ZNF502: variants seen among roughly 807,000 people sequenced by gnomAD.
ZNF502 encodes zinc finger protein 502.
ZNF502 carries 29 observed loss-of-function variants against 43.6 expected under a neutral mutation model. The observed-to-expected ratio is 0.67, with a 90% confidence interval of 0.50 to 0.91. The LOEUF (loss-of-function observed/expected upper bound fraction) is 0.91. Among genes scored for constraint, ZNF502 ranks in the 40% least tolerant of loss-of-function variants. The pLI, the probability that ZNF502 is intolerant of heterozygous loss-of-function variation, is 0.00. For missense variants in ZNF502, 591 were observed against 647.2 expected (o/e 0.91, Z 0.94); for synonymous variants, 171 against 207.4 (o/e 0.82, Z 1.51).
chr3:44,723,570 C>T lies in ZNF502; in HGVS notation c.*1118C>T, dbSNP rs764751822. 2 of 152,250 alleles carry T rather than the reference C, an allele frequency of 1.3e-5. No individual in the cohort carries two copies. Among genetic ancestry groups the T allele is most frequent in the Non-Finnish European group, 2.9e-5 (2 of 68,046 alleles). The allele number at this position is 152,250 out of a possible 1,614,324, so 9.4% of individuals were successfully genotyped here. A position where few individuals can be genotyped will look rare whatever the true frequency, so the allele number is the denominator to read the frequency against. On this transcript the variant is annotated 3_prime_UTR_variant, in exon 3 of 3. Transcript: ENST00000436624. ...TCGTGGAATGACTTTGGAAAGACTT[C>T]TAAAAGAATCTTTTTCAAATCCCTG... is the stretch of plus-strand genomic sequence containing the variant.
At chr3:44,715,186 T>G (rs1704112396) in intron 1 of ZNF502, among the ~76,000 whole-genome samples, 1 of 152,244 alleles carries the variant, frequency 6.6e-6, no homozygotes, top group Non-Finnish European at 1.5e-5. Flanking sequence ...ATCTGTTTAT[T>G]AACAATAGTT....
At chr3:44,713,859 C>T (rs1407988054) in intron 1 of ZNF502, among the ~76,000 whole-genome samples, 1 of 152,164 alleles carries the variant, frequency 6.6e-6, no homozygotes. Flanking sequence ...GGATTATAGG[C>T]GTGAAACACC....
At position 44,721,448 on chromosome 3, in the gene ZNF502, T is replaced by C. The variant is rs1340228812; in HGVS notation, c.631T>C (p.Tyr211His). The stretch of plus-strand genomic sequence containing the variant: ...AAGAATTCACACTGGAGTGAAACCA[T>C]ATGGATGTGAGCAGTGTGGGAAAAC... ...HQRIHTGVKP[Y>H]GCEQCGKTFR... Residue 211 changes from tyrosine to histidine, a missense_variant, in exon 3 of 3, where the codon TAT becomes CAT. Physicochemically the swap from Tyr to His is moderately conservative, Grantham distance 83 (BLOSUM62 2). Transcript: ENST00000436624. 26 of 1,614,066 alleles carry C rather than the reference T, an allele frequency of 1.6e-5. No homozygotes were observed. The highest frequency in any genetic ancestry group is 2.7e-5 in the African/African-American group (2 of 74,940).
chr3:44,720,310 T>G lies in ZNF502; in HGVS notation c.49T>G (p.Cys17Gly), dbSNP rs575447603. ...AGAGAGAGACATTAGAAGAGAGACT[T>G]GTCCAGGTGAGTGAGCAAGGGACAA... ...AEERDIRRET[C>G]PGWVNKNKPA... The change falls in exon 2 of 3, where the codon TGT becomes GGT. Residue 17 changes from cysteine to glycine, a missense_variant. Physicochemically the swap from Cys to Gly is radical, Grantham distance 159. Transcript: ENST00000436624. 2.8e-5 allele frequency: 45 copies of G among 1,614,066 alleles called. 1 individual carries two copies. In the South Asian group the frequency reaches 4.7e-4, roughly 17 times the overall value.
intron 2 of ZNF502, 29 bp from the exon 3 acceptor site, chr3:44,720,844 G>A (rs768894897): frequency 6.3e-7 from 1 of 1,589,862 alleles, no homozygotes; most frequent in Non-Finnish European, 8.6e-7. Flanking sequence ...CCCTGTACAG[G>A]AGATATTCAT....
In ZNF502 at chr3:44,721,972, C is replaced by G. The variant is rs139366812; in HGVS notation, c.1155C>G (p.Gly385=). Residue 385 remains glycine, a synonymous_variant, in exon 3 of 3, where the codon GGC becomes GGG. Coordinates refer to ENST00000436624, the MANE Select transcript of ZNF502 (RefSeq NM_001134442.3). The part of the protein sequence containing the change: ...GEKPYKCKEC[G]KAFTQSTPLT... ...AACCATATAAGTGTAAAGAATGTGG[C>G]AAAGCGTTTACTCAGAGCACCCCAC... is the stretch of plus-strand genomic sequence containing the variant. 219 of 1,614,030 alleles carry G rather than the reference C, an allele frequency of 1.4e-4. 3 individuals carry two copies. The East Asian group carries it at 4.8e-3, about 36-fold the overall frequency.
At chr3:44,712,762 G>T (rs534167000) in intron 1 of ZNF502, 22 bp downstream of exon 1, 8 of 152,480 alleles carry the variant, frequency 5.2e-5, no homozygotes, top group African/African-American at 1.9e-4. Context: ...GGGACCCAGG[G>T]AGGGGAAAAG....
intron 1 of ZNF502, among the ~76,000 whole-genome samples, chr3:44,716,093 C>G (rs1704135106): frequency 6.6e-6 from 1 of 151,906 alleles, no homozygotes; most frequent in Non-Finnish European, 1.5e-5. Context: ...GATATTTTTA[C>G]AAGTAACAGA....
In ZNF502 at chr3:44,722,262, A is replaced by G. The variant is rs376603367; in HGVS notation, c.1445A>G (p.His482Arg). The G allele has an allele frequency of 3.1e-6, 5 of 1,614,236 alleles. No individual in the cohort carries two copies. Among genetic ancestry groups the G allele is most frequent in the Non-Finnish European group, 4.2e-6 (5 of 1,180,042 alleles). ...FAHSSSLTEH[H>R]RTHTGEKLYK... ...CATAGCTCATCTCTTACTGAACATC[A>G]TAGAACTCACACTGGTGAGAAGCTC... The change falls in exon 3 of 3, where the codon CAT (histidine) becomes CGT (arginine). Residue 482 changes from histidine to arginine, a missense_variant. By Grantham distance (29) the His-to-Arg change is conservative. Coordinates refer to ENST00000436624, the MANE Select transcript of ZNF502 (RefSeq NM_001134442.3).
chr3:44,723,271 C>T lies in ZNF502; in HGVS notation c.*819C>T, dbSNP rs1214152475. The T allele has an allele frequency of 6.6e-6, 1 of 152,228 alleles. No homozygotes were observed. The highest frequency in any genetic ancestry group is 1.5e-5 in the Non-Finnish European group (1 of 68,070). The allele number at this position is 152,228 out of a possible 1,614,324, so 9.4% of individuals were successfully genotyped here. A position where few individuals can be genotyped will look rare whatever the true frequency, so the allele number is the denominator to read the frequency against. ...TATGGTTACCCAGGAAAGAAATGGT[C>T]TGCTAGAGTGATAAGACTCAGAACA... On this transcript the variant is annotated 3_prime_UTR_variant, in exon 3 of 3. Coordinates refer to ENST00000436624, the MANE Select transcript of ZNF502 (RefSeq NM_001134442.3).
intron 1 of ZNF502, 76 bp from the exon 2 acceptor site, chr3:44,720,127 C>T (rs1182481324): frequency 1.1e-6 from 1 of 899,030 alleles, no homozygotes; most frequent in Non-Finnish European, 1.8e-6. Context: ...CCCTAGGCAA[C>T]AGCTCTTTGT....
In ZNF502 at chr3:44,721,872, A is replaced by G. The variant is rs1447841521; in HGVS notation, c.1055A>G (p.Lys352Arg). The G allele has an allele frequency of 1.7e-5, 28 of 1,613,946 alleles. No individual in the cohort carries two copies. The highest frequency in any genetic ancestry group is 2.3e-5 in the Non-Finnish European group (27 of 1,179,926). ...ATTCATAGTGGAGAGAAACCCTATAAATGTAAAGAATGTGGCAAAGCCTTT... is the reference window on the plus strand; with the variant it reads ...ATTCATAGTGGAGAGAAACCCTATAGATGTAAAGAATGTGGCAAAGCCTTT... ...QRIHSGEKPY[K>R]CKECGKAFCQ... is the part of the protein sequence containing the mutation. The change falls in exon 3 of 3, where the codon AAA becomes AGA. Residue 352 changes from lysine (K) to arginine (R), a missense_variant. Lys to Arg is a conservative substitution (Grantham distance 26). Transcript: ENST00000436624.
chr3:44,721,659 A>G lies in ZNF502; in HGVS notation c.842A>G (p.His281Arg). The change falls in exon 3 of 3, where the codon CAC becomes CGC. Residue 281 changes from histidine (H) to arginine (R), a missense_variant. His to Arg is a conservative substitution (Grantham distance 29, BLOSUM62 0). Transcript: ENST00000436624. ...RCGKAFNQNT[H>R]LIHHQRIHTG... ...GGGAAGGCATTCAATCAGAATACAC[A>G]CCTTATTCATCATCAGAGAATTCAC... 6.2e-7 allele frequency: 1 copy of G among 1,614,056 alleles called. No individual in the cohort carries two copies. The highest frequency in any genetic ancestry group is 8.5e-7 in the Non-Finnish European group (1 of 1,179,970).
intron 1 of ZNF502, 67 bp from the exon 2 acceptor site, chr3:44,720,136 G>A: frequency 1.0e-6 from 1 of 990,648 alleles, no homozygotes; most frequent in South Asian, 1.3e-5. Context: ...ACAGCTCTTT[G>A]TTTTCGTTCT....
chr3:44,720,055 A>G (rs1704266360), intron 1 of ZNF502, 148 bp from the exon 2 acceptor site: 1 of 601,628 alleles, frequency 1.7e-6, no homozygotes, highest in African/African-American at 1.9e-5. Flanking sequence ...GCCAATGCTG[A>G]TTTTTGCGGA....
chr3:44,721,006 CA>C lies in ZNF502; in HGVS notation c.190del (p.Met64Ter). Reference protein sequence around the residue: ...TFEEKYACEGMKENSPREIAE... With the variant: ...TFEEKYACEGXKENSPREIAE... Reference sequence around the variant, plus strand: ...TTGAAGAAAAATATGCATGTGAGGGCATGAAGGAAAACTCTCCTAGGGAGAT... The same window carrying C: ...TTGAAGAAAAATATGCATGTGAGGGCTGAAGGAAAACTCTCCTAGGGAGAT... On this transcript the variant is annotated frameshift_variant, in exon 3 of 3. Transcript: ENST00000436624. LOFTEE classifies it high-confidence loss of function. 1 of 1,614,120 alleles carries C rather than the reference CA, an allele frequency of 6.2e-7. No homozygotes were observed. The highest frequency in any genetic ancestry group is 1.3e-5 in the African/African-American group (1 of 75,020).
intron 1 of ZNF502, among the ~76,000 whole-genome samples, chr3:44,719,693 A>G (rs1037911013): frequency 1.3e-5 from 2 of 152,256 alleles, no homozygotes; most frequent in African/African-American, 4.8e-5. Flanking sequence ...AGGGACAATC[A>G]GTGTGTCTCT....
intron 1 of ZNF502, among the ~76,000 whole-genome samples, 200 bp downstream of exon 1, chr3:44,712,940 A>G (rs1290116925): frequency 6.6e-6 from 1 of 152,250 alleles, no homozygotes; most frequent in Non-Finnish European, 1.5e-5. Flanking sequence ...GCAGACTCCA[A>G]GGCCCAGCAC....
At chr3:44,715,584 ATTTGT>A (rs1266155457) in intron 1 of ZNF502, among the ~76,000 whole-genome samples, 1 of 152,074 alleles carries the variant, frequency 6.6e-6, no homozygotes, top group Admixed American at 6.5e-5. Flanking sequence ...ATTCTTATAG[ATTTGT>A]TTTTTTTTTA....
Sources: gnomAD v4.1 joint callset for allele counts (sites outside exome capture counted in the v4.1 genomes callset) on GRCh38, gnomAD v4.1.1 for gene constraint, MANE v1.5 for transcripts, NCBI Gene and HGNC (gene_info 2026-07-23, HGNC 2026-07-21) for gene names.